PDE6D: variants seen among roughly 807,000 people sequenced by gnomAD.
The protein encoded by PDE6D is retinal rod rhodopsin-sensitive cGMP 3',5'-cyclic phosphodiesterase subunit delta.
PDE6D carries 10 observed loss-of-function variants against 21.9 expected under a neutral mutation model. The observed-to-expected ratio is 0.46, with a 90% CI of 0.28 to 0.78. The LOEUF (loss-of-function observed/expected upper bound fraction) is 0.78, where lower values mean the gene tolerates loss of function less well. PDE6D is among the 30% of genes least tolerant of loss of function. The pLI, the probability that PDE6D is intolerant of heterozygous loss-of-function variation, is 0.12. For synonymous variants in PDE6D, 59 were observed against 63.5 expected, an observed-to-expected ratio of 0.93 and a Z score of 0.34; for missense variants, 139 against 184.8, an observed-to-expected ratio of 0.75 and a Z score of 1.44.
chr2:231,738,054 C>T lies in PDE6D; in HGVS notation c.224G>A (p.Arg75His), dbSNP rs367809264. 66 of 1,613,742 alleles carry T rather than the reference C, an allele frequency of 4.1e-5. No individual in the cohort carries two copies. Among genetic ancestry groups the T allele is most frequent in the South Asian group, 1.1e-4 (10 of 91,054 alleles). Residue 75 changes from arginine (R) to histidine (H), a missense_variant, in exon 3 of 5, where the codon CGC becomes CAC. Arg to His is a conservative substitution (Grantham distance 29). Transcript: ENST00000287600. ...TTTGAAGTAAACTTTTTGTTCCAGG[C>T]GGAATTTTTCCATTTGTTCTGTCGA... is the stretch of plus-strand genomic sequence containing the variant. Reference protein sequence around the residue: ...FSSTEQMEKFRLEQKVYFKGQ... With the variant: ...FSSTEQMEKFHLEQKVYFKGQ...
At chr2:231,742,889 G>A (rs1293629780) in intron 1 of PDE6D, among the ~76,000 whole-genome samples, 1 of 152,168 alleles carries the variant, frequency 6.6e-6, no homozygotes, top group Non-Finnish European at 1.5e-5. Flanking sequence ...GAGGGAGTTG[G>A]AAGTTCTTCA....
intron 1 of PDE6D, among the ~76,000 whole-genome samples, chr2:231,778,386 C>A (rs1028130438): frequency 2.2e-4 from 33 of 152,050 alleles, no homozygotes; most frequent in African/African-American, 8.0e-4. Flanking sequence ...ATTGATATTA[C>A]AATATGTAAA....
chr2:231,733,317 A>G (rs1344606362), intron 4 of PDE6D, among the ~76,000 whole-genome samples: 1 of 152,204 alleles, frequency 6.6e-6, no homozygotes, highest in African/African-American at 2.4e-5. Flanking sequence ...AGTGCTCTGC[A>G]CACAGGGTGC....
intron 1 of PDE6D, among the ~76,000 whole-genome samples, chr2:231,747,568 G>A (rs190310893): frequency 1.3e-4 from 20 of 152,116 alleles, no homozygotes; most frequent in Middle Eastern, 3.4e-3. Context: ...GGTTTTCCCC[G>A]CTTCTATTCT....
chr2:231,734,536 A>G (rs1268124513), intron 4 of PDE6D, among the ~76,000 whole-genome samples: 1 of 151,846 alleles, frequency 6.6e-6, no homozygotes, highest in Non-Finnish European at 1.5e-5. Context: ...TTCTGCTGGT[A>G]ATTAATTATA....
intron 1 of PDE6D, among the ~76,000 whole-genome samples, chr2:231,773,049 G>C (rs1447331120): frequency 6.6e-6 from 1 of 152,096 alleles, no homozygotes. Flanking sequence ...ACCAGCCTGG[G>C]CAACATAGTG....
chr2:231,774,208 C>T (rs1185785195), intron 1 of PDE6D, among the ~76,000 whole-genome samples: 2 of 152,148 alleles, frequency 1.3e-5, no homozygotes, highest in East Asian at 3.8e-4. Flanking sequence ...GCTGGGATTA[C>T]AGGCATGAAC....
At chr2:231,756,897 A>C (rs539228889) in intron 1 of PDE6D, among the ~76,000 whole-genome samples, 119 of 151,926 alleles carry the variant, frequency 7.8e-4, no homozygotes, top group African/African-American at 2.7e-3. Context: ...AAAAAAAGAT[A>C]GTATTCAATT....
At chr2:231,746,207 T>C (rs2048792548) in intron 1 of PDE6D, among the ~76,000 whole-genome samples, 1 of 152,168 alleles carries the variant, frequency 6.6e-6, no homozygotes, top group South Asian at 2.1e-4. Flanking sequence ...AGTGGTGCAA[T>C]CTCGGCTCAC....
chr2:231,752,612 T>C (rs2048848839), intron 1 of PDE6D, among the ~76,000 whole-genome samples: 1 of 152,132 alleles, frequency 6.6e-6, no homozygotes, highest in African/African-American at 2.4e-5. Context: ...CTTATTTGTA[T>C]TAATTAATGT....
chr2:231,743,715 C>CTT lies in PDE6D; in HGVS notation c.51-4529_51-4528dup, dbSNP rs61034935. Among the ~76,000 whole-genome samples the CTT allele has an allele frequency of 2.0e-4, 30 of 149,132 alleles. 1 individual carries two copies. Among genetic ancestry groups the CTT allele is most frequent in the South Asian group, 1.3e-3 (6 of 4,752 alleles). ...CTCTGGTTCATATTTTCAAACTCCA[C>CTT]TTTTTTTTTTTAAACAACTAAATTC... On this transcript the variant is annotated intron_variant, in intron 1 of 4. Transcript: ENST00000287600.
intron 4 of PDE6D, among the ~76,000 whole-genome samples, chr2:231,736,457 G>T (rs989596934): frequency 2.0e-5 from 3 of 152,136 alleles, no homozygotes; most frequent in Admixed American, 6.6e-5. Context: ...GGGATTACAG[G>T]TGTGTGCCAT....
chr2:231,748,500 GT>G (rs1423898156), intron 1 of PDE6D, among the ~76,000 whole-genome samples: 1 of 152,134 alleles, frequency 6.6e-6, no homozygotes, highest in Non-Finnish European at 1.5e-5. Flanking sequence ...GAGCATAAAA[GT>G]TTGGAAAATT....
chr2:231,771,927 C>T (rs990233946), intron 1 of PDE6D, among the ~76,000 whole-genome samples: 2 of 152,180 alleles, frequency 1.3e-5, no homozygotes, highest in Admixed American at 6.5e-5. Context: ...ACATTTGATA[C>T]ATACAAAATT....
Position 231,739,148 on chromosome 2 carries a change from G to C in PDE6D, c.91C>G (p.Leu31Val). 6.2e-7 allele frequency: 1 copy of C among 1,613,200 alleles called. No individual in the cohort carries two copies. Among genetic ancestry groups the C allele is most frequent in the Non-Finnish European group, 8.5e-7 (1 of 1,179,244 alleles). The change falls in exon 2 of 5, where the codon CTC becomes GTC. Residue 31 changes from leucine to valine, a missense_variant. Coordinates refer to ENST00000287600, the MANE Select transcript of PDE6D (RefSeq NM_002601.4). This position sits in a 1 kb window ranked among gnomAD's most constrained non-coding sequence, Gnocchi z 4.2. ...GACAGGTCTTCTGTTCCTTGCCAGA[G>C]TATCTTCCCTGTCTCAGCATCCCGA... Reference protein sequence around the residue: ...NLRDAETGKILWQGTEDLSVP... With the variant: ...NLRDAETGKIVWQGTEDLSVP...
At chr2:231,776,014 A>G (rs533102995) in intron 1 of PDE6D, among the ~76,000 whole-genome samples, 1 of 152,346 alleles carries the variant, frequency 6.6e-6, no homozygotes, top group South Asian at 2.1e-4. Context: ...AACAGTAGAT[A>G]CAGACTATAC....
At chr2:231,753,994 G>C (rs1257546804) in intron 1 of PDE6D, among the ~76,000 whole-genome samples, 1 of 152,144 alleles carries the variant, frequency 6.6e-6, no homozygotes, top group African/African-American at 2.4e-5. Context: ...GCACACTCTT[G>C]TCTGAAGCTT....
intron 1 of PDE6D, among the ~76,000 whole-genome samples, chr2:231,746,767 A>T (rs2048796950): frequency 6.6e-6 from 1 of 152,190 alleles, no homozygotes; most frequent in South Asian, 2.1e-4. Context: ...CACGGGGGAC[A>T]CACACAGGAG....
chr2:231,765,660 C>T (rs2048965409), intron 1 of PDE6D, among the ~76,000 whole-genome samples: 1 of 152,178 alleles, frequency 6.6e-6, no homozygotes, highest in African/African-American at 2.4e-5. Flanking sequence ...AAAAACCTCT[C>T]CCTTCTCATT....
Sources: gnomAD v4.1 joint callset for allele counts (sites outside exome capture counted in the v4.1 genomes callset) on GRCh38, gnomAD v4.1.1 for gene constraint, Gnocchi (gnomAD v3.1) non-coding constraint, MANE v1.5 for transcripts, NCBI Gene and HGNC (gene_info 2026-07-23, HGNC 2026-07-21) for gene names.